The following DNAJB6 variants were observed in gnomAD, a reference collection of about 807,000 sequenced individuals.
DNAJB6 encodes dnaJ homolog subfamily B member 6.
In DNAJB6, 16 loss-of-function variants were observed where a neutral mutation model predicts 42.7. That is an observed-to-expected ratio of 0.37 (90% CI 0.25 to 0.57). The LOEUF (loss-of-function observed/expected upper bound fraction) is 0.57, where lower values mean the gene tolerates loss of function less well. DNAJB6 is among the 20% of genes least tolerant of loss of function. The pLI, the probability that DNAJB6 is intolerant of heterozygous loss-of-function variation, is 0.74. For missense variants in DNAJB6, 347 were observed against 416.8 expected, an observed-to-expected ratio of 0.83 and a Z score of 1.46; for synonymous variants, 170 against 163.5, an observed-to-expected ratio of 1.04 and a Z score of -0.30.
chr7:157,357,727 G>T (rs1469329048), intron 1 of DNAJB6, among the ~76,000 whole-genome samples: 1 of 152,154 alleles, frequency 6.6e-6, no homozygotes, highest in African/African-American at 2.4e-5. Flanking sequence ...CTCCTTGTGG[G>T]ACCAGAGGCT....
chr7:157,404,284 G>GT (rs199978706), intron 8 of DNAJB6, among the ~76,000 whole-genome samples: 1,721 of 144,338 alleles, frequency 0.012, 36 homozygotes, highest in African/African-American at 0.039. Flanking sequence ...CTACTGTGCA[G>GT]TTTTTTTTTT....
intron 1 of DNAJB6, among the ~76,000 whole-genome samples, chr7:157,350,017 TA>T (rs2116898038): frequency 6.6e-6 from 1 of 152,278 alleles, no homozygotes; most frequent in African/African-American, 2.4e-5. Context: ...TTGAGCTCCT[TA>T]GCTCAAGCGT....
At chr7:157,371,840 G>A (rs1220998367) in intron 5 of DNAJB6, among the ~76,000 whole-genome samples, 2 of 152,236 alleles carry the variant, frequency 1.3e-5, no homozygotes, top group Non-Finnish European at 2.9e-5. Context: ...ATTAGTCACA[G>A]CAGGCATTAC....
chr7:157,413,644 A>T (rs995325545), intron 9 of DNAJB6: 1 of 151,616 alleles, frequency 6.6e-6, no homozygotes, highest in Non-Finnish European at 1.5e-5. Flanking sequence ...CCGGTGCCCA[A>T]GGCCATGTCT....
chr7:157,357,213 T>C (rs116535772), intron 1 of DNAJB6, among the ~76,000 whole-genome samples: 14 of 15,822 alleles, frequency 8.8e-4, no homozygotes, highest in African/African-American at 2.3e-3. Flanking sequence ...GATACTGTTG[T>C]CCTTCCTTCC....
intron 8 of DNAJB6, among the ~76,000 whole-genome samples, chr7:157,407,810 A>G (rs1795827439): frequency 6.6e-6 from 1 of 152,228 alleles, no homozygotes; most frequent in Non-Finnish European, 1.5e-5. Flanking sequence ...GCCAGGGTCC[A>G]GGCAGCTGGG....
chr7:157,393,239 A>C (rs566918461), intron 8 of DNAJB6, among the ~76,000 whole-genome samples: 1 of 152,312 alleles, frequency 6.6e-6, no homozygotes, highest in South Asian at 2.1e-4. Flanking sequence ...GGCCTCCCAA[A>C]GTGCTGGGAT....
intron 1 of DNAJB6, among the ~76,000 whole-genome samples, chr7:157,348,758 CCT>C (rs1448430113): frequency 3.9e-5 from 6 of 152,026 alleles, no homozygotes; most frequent in African/African-American, 1.4e-4. Flanking sequence ...TCAGTTGCGC[CCT>C]GTTCTTTCTT....
intron 5 of DNAJB6, among the ~76,000 whole-genome samples, chr7:157,373,916 G>T (rs1479812024): frequency 6.6e-6 from 1 of 152,156 alleles, no homozygotes; most frequent in Admixed American, 6.5e-5. Flanking sequence ...GCATGGTGGT[G>T]TACCCCTGTA....
intron 1 of DNAJB6, among the ~76,000 whole-genome samples, chr7:157,358,139 G>A (rs929146076): frequency 1.2e-4 from 18 of 152,274 alleles, no homozygotes; most frequent in South Asian, 4.2e-4. Flanking sequence ...TTGGAGCCCC[G>A]TGGTCTTGCC....
chr7:157,393,099 G>A (rs963975197), intron 8 of DNAJB6, among the ~76,000 whole-genome samples: 2 of 151,930 alleles, frequency 1.3e-5, no homozygotes, highest in Non-Finnish European at 2.9e-5. Context: ...TCAGCCTCCC[G>A]AGTAGCTGGA....
intron 8 of DNAJB6, among the ~76,000 whole-genome samples, chr7:157,399,749 A>G (rs1801760903): frequency 6.6e-6 from 1 of 152,154 alleles, no homozygotes; most frequent in South Asian, 2.1e-4. Flanking sequence ...GCTCACTGCA[A>G]CGTCCGCCTC....
intron 8 of DNAJB6, among the ~76,000 whole-genome samples, chr7:157,404,657 CA>C (rs1396809658): frequency 4.0e-5 from 6 of 151,892 alleles, no homozygotes; most frequent in Non-Finnish European, 8.8e-5. Context: ...ACTACAGGCA[CA>C]CGCCACCACA....
intron 5 of DNAJB6, chr7:157,378,029 G>T (rs1800557961): frequency 6.6e-6 from 1 of 152,170 alleles, no homozygotes; most frequent in Non-Finnish European, 1.5e-5. Flanking sequence ...TACATAAGAG[G>T]ATAAGAGAGG....
At position 157,397,028 on chromosome 7, in the gene DNAJB6, G is replaced by A. The variant is rs987170081; in HGVS notation, c.691+11417G>A. On this transcript the variant is annotated intron_variant, in intron 8 of 9. Coordinates refer to ENST00000262177, the MANE Select transcript of DNAJB6 (RefSeq NM_058246.4). ...CCTCCTGGAATTATCCTCACCACTC[G>A]GCTGAGGGATGCTGTCCACACCCCT... 3.9e-5 allele frequency among the ~76,000 whole-genome samples: 6 copies of A among 152,156 alleles called. No individual in the cohort carries two copies. The South Asian group carries it at 8.3e-4, about 21-fold the overall frequency.
intron 5 of DNAJB6, among the ~76,000 whole-genome samples, chr7:157,370,581 A>G (rs1222775297): frequency 2.6e-5 from 4 of 152,162 alleles, no homozygotes; most frequent in Non-Finnish European, 2.9e-5. Context: ...AGGTATAGAG[A>G]TCTAATTAGA....
At chr7:157,407,769 G>C (rs572201121) in intron 8 of DNAJB6, among the ~76,000 whole-genome samples, 5 of 152,190 alleles carry the variant, frequency 3.3e-5, no homozygotes, top group Non-Finnish European at 7.4e-5. Flanking sequence ...CAGCGACTTC[G>C]CAGCACTGTC....
intron 8 of DNAJB6, among the ~76,000 whole-genome samples, chr7:157,403,997 A>G (rs984710812): frequency 6.6e-6 from 1 of 150,884 alleles, no homozygotes; most frequent in Admixed American, 6.6e-5. Context: ...TTAAGGCAGG[A>G]TTTCTGTTAC....
At chr7:157,360,396 A>G (rs188776180) in intron 2 of DNAJB6, among the ~76,000 whole-genome samples, 36 of 152,274 alleles carry the variant, frequency 2.4e-4, no homozygotes, top group African/African-American at 8.4e-4. Flanking sequence ...GGGAGTTACA[A>G]CTCAAGTTGA....
Sources: gnomAD v4.1 joint callset for allele counts (sites outside exome capture counted in the v4.1 genomes callset) on GRCh38, gnomAD v4.1.1 for gene constraint, MANE v1.5 for transcripts, NCBI Gene and HGNC (gene_info 2026-07-23, HGNC 2026-07-21) for gene names.